The following WIPI1 variants were observed in gnomAD, a reference collection of about 807,000 sequenced individuals.
WIPI1 encodes WD repeat domain, phosphoinositide interacting 1.
WIPI1 carries 45 observed loss-of-function variants against 55.3 expected under a neutral mutation model. The ratio of observed to expected loss-of-function variants is 0.81; its 90% CI spans 0.64 to 1.04. The LOEUF is 1.04. Ranked by LOEUF, WIPI1 falls within the 50% of genes least tolerant of loss-of-function variation. The probability of loss-of-function intolerance (pLI) is 0.00; values close to 1 mark genes in which losing one functional copy is unlikely to be tolerated. For missense variants in WIPI1, 445 were observed against 559.0 expected (o/e 0.80, Z 2.06); for synonymous variants, 195 against 217.6 (o/e 0.90, Z 0.92).
chr17:68,433,777 T>TTTGTTTTG (rs2083641533), intron 7 of WIPI1, among the ~76,000 whole-genome samples: 1 of 63,616 alleles, frequency 1.6e-5, no homozygotes, highest in African/African-American at 4.9e-5. Flanking sequence ...TTTTTTTTTT[T>TTTGTTTTG]TTTTTTTTTT....
At chr17:68,426,264 A>C in intron 11 of WIPI1, 89 bp from the exon 12 acceptor site, 1 of 1,022,612 alleles carries the variant, frequency 9.8e-7, no homozygotes. Flanking sequence ...GCTCAAATAA[A>C]GGGCAAAGGA....
rs751050825 is a variant in WIPI1, at chr17:68,433,505, T to C, written c.763A>G (p.Thr255Ala). Residue 255 changes from threonine to alanine, a missense_variant, in exon 8 of 13, where the codon ACG (threonine) becomes GCG (alanine). Coordinates refer to ENST00000262139, the MANE Select transcript of WIPI1 (RefSeq NM_017983.7). The stretch of plus-strand genomic sequence containing the variant: ...TGTTCCAGCTTGAAGATGTGTACCG[T>C]CTCGGTGTTACTGGAGGCGCAGAGG... ...QFLCASSNTETVHIFKLEQVT... is the reference protein window; with the variant it reads ...QFLCASSNTEAVHIFKLEQVT... 1.2e-6 allele frequency: 2 copies of C among 1,613,992 alleles called. No homozygotes were observed. Among genetic ancestry groups the C allele is most frequent in the Non-Finnish European group, 1.7e-6 (2 of 1,180,010 alleles).
intron 8 of WIPI1, among the ~76,000 whole-genome samples, chr17:68,432,973 T>G (rs2083595494): frequency 6.6e-6 from 1 of 152,264 alleles, no homozygotes; most frequent in African/African-American, 2.4e-5. Context: ...TAGGCTTTTC[T>G]TTCACTTTTC....
At chr17:68,453,703 T>G (rs28449485) in intron 1 of WIPI1, among the ~76,000 whole-genome samples, 20,424 of 152,120 alleles carry the variant, frequency 0.13, 1,457 homozygotes, top group South Asian at 0.21. Context: ...GGTCTTGAAC[T>G]CCTGGCCTCA....
At chr17:68,453,023 CG>C in intron 1 of WIPI1, 31 bp from the exon 2 acceptor site, 1 of 1,568,834 alleles carries the variant, frequency 6.4e-7, no homozygotes, top group Non-Finnish European at 8.8e-7. Flanking sequence ...ATGGGAATAA[CG>C]ACAGGTATTC....
At chr17:68,432,657 G>A (rs1426665340) in intron 8 of WIPI1, among the ~76,000 whole-genome samples, 2 of 152,112 alleles carry the variant, frequency 1.3e-5, no homozygotes, top group Non-Finnish European at 2.9e-5. Flanking sequence ...GTGATATGGT[G>A]CCCAGCCTCT....
intron 11 of WIPI1, 111 bp downstream of exon 11, chr17:68,427,024 G>A (rs1600262618): frequency 2.4e-6 from 2 of 848,464 alleles, no homozygotes; most frequent in Non-Finnish European, 3.8e-6. Flanking sequence ...GGGGAGGGAG[G>A]GCACTCCACC....
chr17:68,436,336 C>G, intron 5 of WIPI1, 46 bp downstream of exon 5: 1 of 1,565,280 alleles, frequency 6.4e-7, no homozygotes, highest in African/African-American at 1.4e-5. Context: ...CATGACCACA[C>G]AGCCAAGGCA....
intron 1 of WIPI1, among the ~76,000 whole-genome samples, chr17:68,456,651 T>C (rs1356013943): frequency 6.6e-6 from 1 of 152,192 alleles, no homozygotes; most frequent in African/African-American, 2.4e-5. Context: ...TCCTGTTTCC[T>C]GGAGAGAAAG....
chr17:68,451,492 T>A (rs182537042), intron 2 of WIPI1, among the ~76,000 whole-genome samples: 1 of 152,344 alleles, frequency 6.6e-6, no homozygotes, highest in Admixed American at 6.5e-5. Context: ...GGCAGACAGC[T>A]GCCTCTGATG....
At chr17:68,444,396 A>T in intron 4 of WIPI1, 97 bp downstream of exon 4, 1 of 1,107,338 alleles carries the variant, frequency 9.0e-7, no homozygotes, top group Non-Finnish European at 1.3e-6. Context: ...AAAAGCAAAC[A>T]CTGCTTCACG....
At chr17:68,454,624 C>G (rs1480268507) in intron 1 of WIPI1, among the ~76,000 whole-genome samples, 1 of 152,188 alleles carries the variant, frequency 6.6e-6, no homozygotes, top group Non-Finnish European at 1.5e-5. Flanking sequence ...CAAACAGCAA[C>G]TGGAAAAGTA....
At position 68,436,454 on chromosome 17, in the gene WIPI1, A is replaced by G; in HGVS notation, c.456T>C (p.His152=). 1.2e-6 allele frequency: 2 copies of G among 1,613,928 alleles called. No individual in the cohort carries two copies. The highest frequency in any genetic ancestry group is 8.5e-7 in the Non-Finnish European group (1 of 1,179,878). The change falls in exon 5 of 13, where the codon CAT becomes CAC. Residue 152 remains histidine, a synonymous_variant. Coordinates refer to ENST00000262139, the MANE Select transcript of WIPI1 (RefSeq NM_017983.7). ...PTGLCALSIN[H]SNSYLAYPGS... The stretch of plus-strand genomic sequence containing the variant: ...CAGGATAGGCCAGGTAAGAATTGGA[A>G]TGGTTGATAGAGAGAGCACATAGAC...
intron 1 of WIPI1, 136 bp from the exon 2 acceptor site, chr17:68,453,128 C>A: frequency 1.6e-6 from 1 of 615,200 alleles, no homozygotes; most frequent in Non-Finnish European, 2.9e-6. Flanking sequence ...TCCTTGGTAA[C>A]TTCCTAAATG....
intron 4 of WIPI1, among the ~76,000 whole-genome samples, chr17:68,443,825 C>T (rs1296238299): frequency 2.6e-5 from 4 of 152,174 alleles, no homozygotes; most frequent in Admixed American, 6.5e-5. Flanking sequence ...ACAAGTTGTT[C>T]CAGTGTGCTG....
intron 10 of WIPI1, chr17:68,428,182 G>A: frequency 6.6e-6 from 1 of 151,516 alleles, no homozygotes; most frequent in Non-Finnish European, 1.5e-5. Context: ...ACAGGCGTGA[G>A]TCAACATGAC....
chr17:68,451,886 T>C (rs2084513515), intron 2 of WIPI1, among the ~76,000 whole-genome samples: 1 of 152,220 alleles, frequency 6.6e-6, no homozygotes. Context: ...GCACATTCTT[T>C]TCATATGTGT....
At chr17:68,446,385 T>C (rs1319070354) in intron 3 of WIPI1, among the ~76,000 whole-genome samples, 1 of 152,084 alleles carries the variant, frequency 6.6e-6, no homozygotes, top group Non-Finnish European at 1.5e-5. Flanking sequence ...GGTTTCACTA[T>C]GTTGTCCAGG....
At chr17:68,427,979 T>TTACTGAG (rs1264996851) in intron 10 of WIPI1, among the ~76,000 whole-genome samples, 4 of 151,376 alleles carry the variant, frequency 2.6e-5, no homozygotes, top group African/African-American at 4.9e-5. Flanking sequence ...AGTCTTGACC[T>TTACTGAG]TCCTGGGCTC....
Sources: gnomAD v4.1 joint callset for allele counts (sites outside exome capture counted in the v4.1 genomes callset) on GRCh38, gnomAD v4.1.1 for gene constraint, MANE v1.5 for transcripts, NCBI Gene and HGNC (gene_info 2026-07-23, HGNC 2026-07-21) for gene names.